RAD51B: variants seen among roughly 807,000 people sequenced by gnomAD.
RAD51B encodes the protein DNA repair protein RAD51 homolog 2.
RAD51B carries 38 observed loss-of-function variants against 42.2 expected under a neutral mutation model. That is an observed-to-expected ratio of 0.90 (90% CI 0.70 to 1.18). The LOEUF (loss-of-function observed/expected upper bound fraction) is 1.18. RAD51B is among the 50% of genes most tolerant of loss of function. RAD51B has a pLI of 0.00. For synonymous variants in RAD51B, 154 were observed against 145.2 expected (o/e 1.06, Z -0.43); for missense variants, 373 against 400.7 (o/e 0.93, Z 0.59).
intron 7 of RAD51B, among the ~76,000 whole-genome samples, chr14:68,097,349 C>T (rs1313233435): frequency 6.6e-6 from 1 of 151,630 alleles, no homozygotes; most frequent in Non-Finnish European, 1.5e-5. Context: ...CTAAGGCATG[C>T]CATGTAGAAG....
At chr14:68,130,598 G>A (rs2077867292) in intron 7 of RAD51B, among the ~76,000 whole-genome samples, 1 of 152,168 alleles carries the variant, frequency 6.6e-6, no homozygotes, top group Admixed American at 6.5e-5. Flanking sequence ...CAAACAAAAT[G>A]TCTAATAATT....
intron 7 of RAD51B, among the ~76,000 whole-genome samples, chr14:68,123,605 C>G (rs985044052): frequency 6.6e-5 from 10 of 152,106 alleles, no homozygotes; most frequent in African/African-American, 2.4e-4. Flanking sequence ...GTCAGGAGAT[C>G]AAGAGCAGTC....
chr14:68,310,633 G>A lies in RAD51B; in HGVS notation c.853+18653G>A, dbSNP rs185264947. On this transcript the variant is annotated intron_variant, in intron 8 of 10. Transcript: ENST00000471583. ...GGCCGAGGTGGGCAGATCACTTTAG[G>A]TCAGGAGTTCAAGACCAGCCTGACC... is the stretch of plus-strand genomic sequence containing the variant. Among the ~76,000 whole-genome samples, 15 of 152,202 alleles carry A rather than the reference G, an allele frequency of 9.9e-5. No homozygotes were observed. In the East Asian group the frequency reaches 2.9e-3, roughly 29 times the overall value.
intron 8 of RAD51B, among the ~76,000 whole-genome samples, chr14:68,404,862 C>G (rs983213240): frequency 1.3e-5 from 2 of 152,158 alleles, no homozygotes; most frequent in African/African-American, 2.4e-5. Flanking sequence ...ATGCAGAGCT[C>G]AGATGAGTGA....
chr14:68,122,706 T>C (rs2077674735), intron 7 of RAD51B, among the ~76,000 whole-genome samples: 1 of 152,224 alleles, frequency 6.6e-6, no homozygotes, highest in Non-Finnish European at 1.5e-5. Context: ...ATTTGTGTTT[T>C]TCATTTGAGC....
At chr14:68,260,734 T>C (rs1439087486) in intron 7 of RAD51B, among the ~76,000 whole-genome samples, 1 of 152,210 alleles carries the variant, frequency 6.6e-6, no homozygotes, top group Non-Finnish European at 1.5e-5. Flanking sequence ...TGCAGTTTTC[T>C]TAACTTCCTT....
At chr14:68,444,020 A>G (rs568938093) in intron 9 of RAD51B, among the ~76,000 whole-genome samples, 4 of 152,326 alleles carry the variant, frequency 2.6e-5, no homozygotes, top group East Asian at 3.9e-4. Context: ...TGAAGTGTAT[A>G]TTAGTGCCTA....
chr14:68,451,407 T>C (rs989836273), intron 9 of RAD51B, among the ~76,000 whole-genome samples: 1 of 152,226 alleles, frequency 6.6e-6, no homozygotes, highest in Non-Finnish European at 1.5e-5. Context: ...ATTAAAAATA[T>C]TGAAAATACA....
chr14:68,593,388 G>A (rs967956022), intron 10 of RAD51B, among the ~76,000 whole-genome samples: 17 of 152,330 alleles, frequency 1.1e-4, no homozygotes, highest in East Asian at 7.7e-4. Context: ...CTCGCCAGCC[G>A]ATGATCATTG....
intron 4 of RAD51B, among the ~76,000 whole-genome samples, chr14:67,850,456 C>T (rs1363557972): frequency 6.6e-6 from 1 of 151,990 alleles, no homozygotes; most frequent in Non-Finnish European, 1.5e-5. Flanking sequence ...CCATGGCCTT[C>T]TGTTCTGGCA....
At chr14:68,541,481 C>G in intron 10 of RAD51B, 1 of 985,384 alleles carries the variant, frequency 1.0e-6, no homozygotes. Flanking sequence ...CTGGCTGAAA[C>G]AGTGGAAGGA....
intron 7 of RAD51B, among the ~76,000 whole-genome samples, chr14:68,126,659 G>T (rs1384011665): frequency 6.6e-6 from 1 of 152,206 alleles, no homozygotes; most frequent in Non-Finnish European, 1.5e-5. Context: ...CATACCAGAA[G>T]TGAGCAGCTT....
At chr14:68,253,300 A>C (rs1456715846) in intron 7 of RAD51B, among the ~76,000 whole-genome samples, 1 of 151,976 alleles carries the variant, frequency 6.6e-6, no homozygotes, top group Non-Finnish European at 1.5e-5. Context: ...TTCATGTAAC[A>C]TTATACTTAA....
At chr14:68,230,459 C>T (rs1195484464) in intron 7 of RAD51B, among the ~76,000 whole-genome samples, 2 of 152,176 alleles carry the variant, frequency 1.3e-5, no homozygotes, top group East Asian at 3.9e-4. Flanking sequence ...GAGAATCTGA[C>T]TGGCTTTGAT....
At chr14:68,488,621 G>A (rs934840950) in intron 10 of RAD51B, among the ~76,000 whole-genome samples, 2 of 152,112 alleles carry the variant, frequency 1.3e-5, no homozygotes, top group African/African-American at 2.4e-5. Flanking sequence ...TCAGTTTAGC[G>A]GGAATCCCCC....
chr14:67,927,636 A>G (rs180790300), intron 7 of RAD51B, among the ~76,000 whole-genome samples: 5 of 152,080 alleles, frequency 3.3e-5, no homozygotes, highest in South Asian at 4.1e-4. Flanking sequence ...ATGACGTCCA[A>G]TTCCATCCAT....
rs565511218 is a variant in RAD51B at position 67,922,574 on chromosome 14, G to A, written c.756+35370G>A. Among the ~76,000 whole-genome samples the A allele has an allele frequency of 3.3e-5, 5 of 150,514 alleles. No individual in the cohort carries two copies. The South Asian group carries it at 8.4e-4, about 25-fold the overall frequency. ...TTTTTTTTTTTTTTAAATTTCAATA[G>A]GTTTTTCAGGAAGAGGTGGTGTTTG... is the stretch of plus-strand genomic sequence containing the variant. On this transcript the variant is annotated intron_variant, in intron 7 of 10. Coordinates refer to ENST00000471583, the MANE Select transcript of RAD51B (RefSeq NM_133510.4).
At chr14:67,991,596 G>A (rs549103482) in intron 7 of RAD51B, among the ~76,000 whole-genome samples, 87 of 152,264 alleles carry the variant, frequency 5.7e-4, no homozygotes, top group African/African-American at 2.0e-3. Flanking sequence ...TGTTAACCTG[G>A]AAGGAGAACT....
At chr14:68,397,881 T>C (rs1243198190) in intron 8 of RAD51B, among the ~76,000 whole-genome samples, 2 of 152,188 alleles carry the variant, frequency 1.3e-5, no homozygotes, top group African/African-American at 4.8e-5. Flanking sequence ...CTCCACCAAA[T>C]GTCAACATTT....
Sources: gnomAD v4.1 joint callset for allele counts (sites outside exome capture counted in the v4.1 genomes callset) on GRCh38, gnomAD v4.1.1 for gene constraint, MANE v1.5 for transcripts, NCBI Gene and HGNC (gene_info 2026-07-23, HGNC 2026-07-21) for gene names.